Variants in TEC observed in about 807,000 individuals in gnomAD.
The protein encoded by TEC is tyrosine-protein kinase Tec.
A neutral mutation model predicts 93.0 loss-of-function variants in TEC; 72 were observed. That is an observed-to-expected ratio of 0.77 (90% CI 0.64 to 0.94). The LOEUF (loss-of-function observed/expected upper bound fraction) is 0.94. Ranked by LOEUF, TEC falls within the 40% of genes least tolerant of loss-of-function variation. The pLI is 0.00. For missense variants in TEC, 630 were observed against 757.9 expected (o/e 0.83, Z 1.98); for synonymous variants, 249 against 247.7 (o/e 1.01, Z -0.05).
intron 2 of TEC, among the ~76,000 whole-genome samples, chr4:48,209,339 G>A (rs1722817093): frequency 6.6e-6 from 1 of 152,206 alleles, no homozygotes; most frequent in Non-Finnish European, 1.5e-5. Flanking sequence ...TAAATTTGTA[G>A]GCAGGCACAG....
chr4:48,222,308 C>T (rs1453790290), intron 2 of TEC, among the ~76,000 whole-genome samples: 7 of 152,188 alleles, frequency 4.6e-5, no homozygotes, highest in African/African-American at 7.2e-5. Flanking sequence ...TCAAGTACTT[C>T]GTATCCCAAA....
At chr4:48,186,144 C>G (rs1177469611) in intron 2 of TEC, among the ~76,000 whole-genome samples, 1 of 152,244 alleles carries the variant, frequency 6.6e-6, no homozygotes, top group Non-Finnish European at 1.5e-5. Flanking sequence ...CAGACGGAGT[C>G]TCGCTCACTA....
intron 8 of TEC, among the ~76,000 whole-genome samples, chr4:48,159,935 C>A (rs1720559735): frequency 6.6e-6 from 1 of 152,154 alleles, no homozygotes; most frequent in African/African-American, 2.4e-5. Context: ...TGAGGGAGAT[C>A]TCTACCTCCA....
At chr4:48,244,361 A>C (rs1724000043) in intron 1 of TEC, among the ~76,000 whole-genome samples, 3 of 152,242 alleles carry the variant, frequency 2.0e-5, no homozygotes, top group Non-Finnish European at 2.9e-5. Context: ...GGTGGAAGGC[A>C]AGGAGGAGCA....
At chr4:48,142,709 T>A (rs1719731184) in intron 14 of TEC, among the ~76,000 whole-genome samples, 1 of 151,998 alleles carries the variant, frequency 6.6e-6, no homozygotes, top group Non-Finnish European at 1.5e-5. Flanking sequence ...TGAAACTGAG[T>A]CTCGCTCTGT....
At chr4:48,153,181 A>G (rs1720247912) in intron 9 of TEC, among the ~76,000 whole-genome samples, 1 of 152,156 alleles carries the variant, frequency 6.6e-6, no homozygotes, top group Non-Finnish European at 1.5e-5. Flanking sequence ...ACATTATGTA[A>G]TATCAATGTA....
At chr4:48,233,816 C>CAAAA (rs34535018) in intron 1 of TEC, among the ~76,000 whole-genome samples, 1 of 136,370 alleles carries the variant, frequency 7.3e-6, no homozygotes, top group Non-Finnish European at 1.6e-5. Context: ...GAAACTCTCC[C>CAAAA]AAAAAAAAAA....
intron 1 of TEC, among the ~76,000 whole-genome samples, chr4:48,260,597 C>T (rs1724475562): frequency 7.2e-6 from 1 of 139,608 alleles, no homozygotes; most frequent in Non-Finnish European, 1.5e-5. Flanking sequence ...GAGCAAGACT[C>T]TGTCTCTAAA....
chr4:48,176,225 G>A, intron 2 of TEC, 39 bp from the exon 3 acceptor site: 1 of 1,492,320 alleles, frequency 6.7e-7, no homozygotes, highest in South Asian at 1.2e-5. Context: ...AGAATCATAA[G>A]ACATAAAAAA....
intron 2 of TEC, among the ~76,000 whole-genome samples, chr4:48,186,540 G>A (rs1169050656): frequency 3.3e-5 from 5 of 149,320 alleles, no homozygotes; most frequent in Non-Finnish European, 7.4e-5. Flanking sequence ...GTCTCTGCCG[G>A]ACCGCCACCC....
At chr4:48,213,114 AAAATT>A (rs1176068842) in intron 2 of TEC, among the ~76,000 whole-genome samples, 1 of 152,250 alleles carries the variant, frequency 6.6e-6, no homozygotes, top group Admixed American at 6.5e-5. Context: ...AGTCGCAAAT[AAAATT>A]AACAGCAATG....
intron 1 of TEC, among the ~76,000 whole-genome samples, chr4:48,228,938 C>G (rs1399981785): frequency 6.6e-6 from 1 of 152,204 alleles, no homozygotes; most frequent in Non-Finnish European, 1.5e-5. Flanking sequence ...GTACCCTTAG[C>G]TTTCTGGTGC....
intron 9 of TEC, among the ~76,000 whole-genome samples, chr4:48,154,744 T>C (rs1720325156): frequency 1.3e-5 from 2 of 151,982 alleles, no homozygotes; most frequent in African/African-American, 4.8e-5. Context: ...AATCTTTGGA[T>C]GGTTATTAAA....
intron 2 of TEC, among the ~76,000 whole-genome samples, chr4:48,180,718 G>A (rs1197284989): frequency 1.3e-5 from 2 of 152,184 alleles, no homozygotes; most frequent in Admixed American, 6.5e-5. Context: ...TGACACCAAA[G>A]AGGCTGTCTG....
intron 2 of TEC, among the ~76,000 whole-genome samples, chr4:48,187,134 C>A (rs1195744750): frequency 7.9e-5 from 12 of 152,302 alleles, no homozygotes; most frequent in Admixed American, 7.8e-4. Context: ...ACCTTACCCC[C>A]AACCCGGTGC....
chr4:48,138,697 C>T lies in TEC; in HGVS notation c.1780G>A (p.Val594Met), dbSNP rs1158386165. 2 of 1,613,884 alleles carry T rather than the reference C, an allele frequency of 1.2e-6. No individual in the cohort carries two copies. The highest frequency in any genetic ancestry group is 1.7e-5 in the Admixed American group (1 of 59,954). The change falls in exon 17 of 18, where the codon GTG becomes ATG. Residue 594 changes from valine to methionine, a missense_variant. Coordinates refer to ENST00000381501, the MANE Select transcript of TEC (RefSeq NM_003215.3). The stretch of plus-strand genomic sequence containing the variant: ...CAACATCTCAGCATCACCTCATACA[C>T]ATAGTTGGACGCCAACTTCGGCTGG... ...LYQPKLASNY[V>M]YEVMLRCWQE...
intron 11 of TEC, among the ~76,000 whole-genome samples, chr4:48,147,516 T>C (rs1177583051): frequency 1.3e-5 from 2 of 152,216 alleles, no homozygotes; most frequent in African/African-American, 4.8e-5. Context: ...TCCCTAGTGA[T>C]ATTGTCAGCA....
intron 2 of TEC, among the ~76,000 whole-genome samples, chr4:48,216,565 G>A (rs1005013950): frequency 6.6e-6 from 1 of 151,532 alleles, no homozygotes; most frequent in African/African-American, 2.4e-5. Flanking sequence ...TTTTTTCAAG[G>A]TAGACAGGTA....
intron 2 of TEC, among the ~76,000 whole-genome samples, chr4:48,207,211 A>G (rs1722744177): frequency 1.3e-5 from 2 of 152,220 alleles, no homozygotes; most frequent in Admixed American, 6.5e-5. Context: ...TTGCAGCAGC[A>G]GAGAACCATG....
Sources: gnomAD v4.1 joint callset for allele counts (sites outside exome capture counted in the v4.1 genomes callset) on GRCh38, gnomAD v4.1.1 for gene constraint, MANE v1.5 for transcripts, NCBI Gene and HGNC (gene_info 2026-07-23, HGNC 2026-07-21) for gene names.